The following PRDM16 variants were observed in gnomAD, a reference collection of about 807,000 sequenced individuals.
The protein encoded by PRDM16 is PR/SET domain 16.
Under a neutral mutation model 110.6 loss-of-function variants are expected in PRDM16, and 23 were observed. The observed-to-expected ratio is 0.21, with a 90% CI of 0.15 to 0.29. The LOEUF (loss-of-function observed/expected upper bound fraction) is 0.29, where lower values mean the gene tolerates loss of function less well. Ranked by LOEUF, PRDM16 falls within the 10% of genes least tolerant of loss-of-function variation. PRDM16 has a pLI of 1.00. For synonymous variants in PRDM16, 799 were observed against 781.8 expected, an observed-to-expected ratio of 1.02 and a Z score of -0.37; for missense variants, 1,615 against 1,794.3, an observed-to-expected ratio of 0.90 and a Z score of 1.81.
At chr1:3,380,299 C>A (rs1205526504) in intron 3 of PRDM16, among the ~76,000 whole-genome samples, 1 of 151,944 alleles carries the variant, frequency 6.6e-6, no homozygotes, top group Non-Finnish European at 1.5e-5. Flanking sequence ...TAACCAAGAC[C>A]TCCTCAGTCA....
intron 3 of PRDM16, among the ~76,000 whole-genome samples, chr1:3,354,099 A>G (rs1457791216): frequency 6.6e-6 from 1 of 152,158 alleles, no homozygotes; most frequent in African/African-American, 2.4e-5. Flanking sequence ...AGCGATTACA[A>G]ATGTCTATTA....
At chr1:3,395,728 C>A (rs980549880) in intron 4 of PRDM16, among the ~76,000 whole-genome samples, 6 of 152,214 alleles carry the variant, frequency 3.9e-5, no homozygotes, top group African/African-American at 1.4e-4. Flanking sequence ...ACTTCCACAC[C>A]CCAAGACAAC....
intron 2 of PRDM16, among the ~76,000 whole-genome samples, chr1:3,193,134 G>C (rs554323795): frequency 1.3e-5 from 2 of 152,184 alleles, no homozygotes; most frequent in African/African-American, 2.4e-5. Context: ...GCCAGACGAC[G>C]AGTACCCAGC....
At chr1:3,115,258 C>A (rs1642929742) in intron 1 of PRDM16, among the ~76,000 whole-genome samples, 1 of 152,228 alleles carries the variant, frequency 6.6e-6, no homozygotes, top group Non-Finnish European at 1.5e-5. Flanking sequence ...AGGCTTCAGA[C>A]CCCAGCCAGC....
At chr1:3,335,602 AACACACACAC>A (rs3036535) in intron 3 of PRDM16, among the ~76,000 whole-genome samples, 227 of 144,432 alleles carry the variant, frequency 1.6e-3, no homozygotes, top group African/African-American at 2.9e-3. Flanking sequence ...CTGAGGTTAA[AACACACACAC>A]ACACACACAC....
At chr1:3,241,723 C>T (rs1271823962) in intron 2 of PRDM16, among the ~76,000 whole-genome samples, 1 of 152,244 alleles carries the variant, frequency 6.6e-6, no homozygotes, top group Non-Finnish European at 1.5e-5. Context: ...CATTCCATCC[C>T]ACCCGGACGC....
At chr1:3,187,704 C>T (rs527361134) in intron 2 of PRDM16, among the ~76,000 whole-genome samples, 53 of 152,294 alleles carry the variant, frequency 3.5e-4, no homozygotes, top group Non-Finnish European at 7.1e-4. Flanking sequence ...ACCAGGGCAC[C>T]TTGGCAGCTC....
At chr1:3,178,976 C>G (rs1042430342) in intron 1 of PRDM16, among the ~76,000 whole-genome samples, 5 of 152,222 alleles carry the variant, frequency 3.3e-5, no homozygotes, top group African/African-American at 4.8e-5. Flanking sequence ...CTTGCCCAGC[C>G]CTTCCCTTGG....
chr1:3,392,010 G>A (rs1643308945), intron 4 of PRDM16, among the ~76,000 whole-genome samples: 1 of 152,248 alleles, frequency 6.6e-6, no homozygotes. Flanking sequence ...ACAGCGTGTG[G>A]AGACAGCAAG....
chr1:3,343,737 C>T (rs1268889164), intron 3 of PRDM16, among the ~76,000 whole-genome samples: 1 of 152,006 alleles, frequency 6.6e-6, no homozygotes, highest in Non-Finnish European at 1.5e-5. Flanking sequence ...GGGTTCTCCG[C>T]CTCCGCCATT....
At chr1:3,088,652 G>C (rs1020103142) in intron 1 of PRDM16, among the ~76,000 whole-genome samples, 1 of 151,186 alleles carries the variant, frequency 6.6e-6, no homozygotes, top group Non-Finnish European at 1.5e-5. Context: ...TTTTTTAGTA[G>C]AGACAGGGTT....
At chr1:3,174,752 G>A (rs1170086959) in intron 1 of PRDM16, among the ~76,000 whole-genome samples, 1 of 152,104 alleles carries the variant, frequency 6.6e-6, no homozygotes, top group African/African-American at 2.4e-5. Flanking sequence ...CTGAGGTCAG[G>A]GCTCCGTCTT....
intron 3 of PRDM16, among the ~76,000 whole-genome samples, chr1:3,259,136 G>C (rs1175008608): frequency 2.0e-5 from 3 of 152,130 alleles, no homozygotes. Flanking sequence ...GGGATGAGCA[G>C]TACCTCCGTC....
At chr1:3,410,924 G>C (rs1026725295) in intron 8 of PRDM16, among the ~76,000 whole-genome samples, 19 of 152,186 alleles carry the variant, frequency 1.2e-4, no homozygotes, top group Non-Finnish European at 2.6e-4. Context: ...CGTGGGGTAG[G>C]AGGGTGGAAA....
At chr1:3,228,842 C>T (rs1023485797) in intron 2 of PRDM16, among the ~76,000 whole-genome samples, 3 of 152,178 alleles carry the variant, frequency 2.0e-5, no homozygotes, top group Non-Finnish European at 4.4e-5. Flanking sequence ...TCTCTCTGAA[C>T]GGGACGCGCT....
intron 3 of PRDM16, among the ~76,000 whole-genome samples, chr1:3,364,218 A>C (rs779478260): frequency 4.4e-4 from 67 of 152,118 alleles, no homozygotes; most frequent in Non-Finnish European, 7.6e-4. Flanking sequence ...GTGGCAGTGA[A>C]TGTGCTTGAA....
intron 6 of PRDM16, 28 bp from the exon 7 acceptor site, chr1:3,404,711 C>A (rs762907886): frequency 6.2e-6 from 10 of 1,611,372 alleles, no homozygotes; most frequent in Non-Finnish European, 6.8e-6. Flanking sequence ...GTAGTCGGGC[C>A]CCGCAGTGAG....
chr1:3,169,810 C>G (rs1644004688), intron 1 of PRDM16, among the ~76,000 whole-genome samples: 1 of 152,234 alleles, frequency 6.6e-6, no homozygotes, highest in Non-Finnish European at 1.5e-5. Flanking sequence ...GCCTCGGGCC[C>G]TCTCCCCTGG....
Position 3,186,158 on chromosome 1 carries a change from C to G in PRDM16, c.71C>G (p.Pro24Arg). The G allele has an allele frequency of 6.2e-7, 1 of 1,612,798 alleles. No individual in the cohort carries two copies. The highest frequency in any genetic ancestry group is 1.3e-5 in the African/African-American group (1 of 75,036). ...GACGTTGTAAATAATATGTATGAGCCCAACCGGGACCTGCTGGCCAGCCAC... is the reference window on the plus strand; with the variant it reads ...GACGTTGTAAATAATATGTATGAGCGCAACCGGGACCTGCTGGCCAGCCAC... ...DGDVVNNMYE[P>R]NRDLLASHSA... The change falls in exon 2 of 17, where the codon CCC (proline) becomes CGC (arginine). Residue 24 changes from proline to arginine, a missense_variant. By Grantham distance (103) the Pro-to-Arg change is moderately radical. This residue lies in a region of PRDM16 where 416 missense variants were observed against 467.1 expected (regional missense o/e 0.89). Coordinates refer to ENST00000270722, the MANE Select transcript of PRDM16 (RefSeq NM_022114.4).
Sources: gnomAD v4.1 joint callset for allele counts (sites outside exome capture counted in the v4.1 genomes callset) on GRCh38, gnomAD v4.1.1 for gene constraint, gnomAD v4.1.1 regional missense constraint, MANE v1.5 for transcripts, NCBI Gene and HGNC (gene_info 2026-07-23, HGNC 2026-07-21) for gene names.